ADK: variants seen among roughly 807,000 people sequenced by gnomAD.
ADK encodes the protein adenosine kinase.
ADK carries 24 observed loss-of-function variants against 44.7 expected under a neutral mutation model. The observed-to-expected ratio is 0.54, with a 90% CI of 0.39 to 0.76. The LOEUF is 0.76. ADK is among the 30% of genes least tolerant of loss of function. The pLI is 0.00. For missense variants in ADK, 321 were observed against 425.1 expected (o/e 0.76, Z 2.15); for synonymous variants, 128 against 142.6 (o/e 0.90, Z 0.73).
chr10:74,695,224 C>T (rs528938666), intron 10 of ADK, among the ~76,000 whole-genome samples: 7 of 152,136 alleles, frequency 4.6e-5, no homozygotes, highest in Non-Finnish European at 1.0e-4. Flanking sequence ...GTTCTTGATC[C>T]TTTGCTTTTT....
intron 4 of ADK, among the ~76,000 whole-genome samples, chr10:74,334,734 G>A (rs1409200037): frequency 1.3e-5 from 2 of 152,086 alleles, no homozygotes; most frequent in African/African-American, 4.8e-5. Context: ...TGATCATAAG[G>A]CATTTACAGA....
intron 2 of ADK, among the ~76,000 whole-genome samples, chr10:74,210,404 A>G (rs554614685): frequency 6.6e-6 from 1 of 151,492 alleles, no homozygotes; most frequent in Non-Finnish European, 1.5e-5. Context: ...TGTTTTTCTT[A>G]CAGATCTAAA....
chr10:74,320,024 A>T (rs1000595570), intron 4 of ADK, among the ~76,000 whole-genome samples: 1 of 152,212 alleles, frequency 6.6e-6, no homozygotes, highest in African/African-American at 2.4e-5. Flanking sequence ...TGATAGTGGC[A>T]TTTATATTTA....
intron 6 of ADK, among the ~76,000 whole-genome samples, chr10:74,507,569 C>T (rs1045677383): frequency 2.6e-5 from 4 of 151,910 alleles, no homozygotes; most frequent in East Asian, 1.9e-4. Flanking sequence ...GAGCCGAGAT[C>T]GTGCCACTCC....
intron 7 of ADK, among the ~76,000 whole-genome samples, chr10:74,544,837 G>T (rs1849769413): frequency 6.6e-6 from 1 of 152,000 alleles, no homozygotes; most frequent in African/African-American, 2.4e-5. Flanking sequence ...ACTCCAGCCT[G>T]GGGACAGAGT....
At chr10:74,631,233 CGTGT>C (rs142037822) in intron 9 of ADK, among the ~76,000 whole-genome samples, 10 of 147,558 alleles carry the variant, frequency 6.8e-5, no homozygotes, top group Admixed American at 4.1e-4. Flanking sequence ...AACCTGTGTG[CGTGT>C]GTGTGTGTGT....
chr10:74,670,450 AAT>A (rs1193309002), intron 10 of ADK, among the ~76,000 whole-genome samples, 181 bp downstream of exon 10: 1 of 152,202 alleles, frequency 6.6e-6, no homozygotes, highest in Non-Finnish European at 1.5e-5. Context: ...CCAGAGGAAA[AAT>A]ATGTGTTTGG....
At chr10:74,671,053 A>AAAAAAC (rs1235504959) in intron 10 of ADK, among the ~76,000 whole-genome samples, 20 of 150,826 alleles carry the variant, frequency 1.3e-4, no homozygotes, top group African/African-American at 4.8e-4. Flanking sequence ...AAAAAAAAAA[A>AAAAAAC]AAAGCAAGCA....
intron 6 of ADK, among the ~76,000 whole-genome samples, chr10:74,495,527 C>CT (rs1847652696): frequency 6.6e-6 from 1 of 152,164 alleles, no homozygotes; most frequent in African/African-American, 2.4e-5. Flanking sequence ...AATGGATTCT[C>CT]TAATTTTCTT....
chr10:74,595,944 C>CCAAGATCG (rs1851908312), intron 8 of ADK, among the ~76,000 whole-genome samples: 1 of 145,852 alleles, frequency 6.9e-6, no homozygotes, highest in Non-Finnish European at 1.5e-5. Context: ...TTGCAGTGAG[C>CCAAGATCG]CAAGATCGCA....
chr10:74,372,442 A>G, intron 4 of ADK: 1 of 552,890 alleles, frequency 1.8e-6, no homozygotes, highest in Non-Finnish European at 3.3e-6. Context: ...GCTCTTAAGC[A>G]ACATGGAAAT....
At chr10:74,692,165 A>G (rs1008051848) in intron 10 of ADK, among the ~76,000 whole-genome samples, 4 of 152,192 alleles carry the variant, frequency 2.6e-5, no homozygotes, top group African/African-American at 7.2e-5. Context: ...ACAATAAAAT[A>G]TGATTCAGCC....
chr10:74,379,759 T>G (rs1477818523), intron 4 of ADK, among the ~76,000 whole-genome samples: 2 of 152,176 alleles, frequency 1.3e-5, no homozygotes, highest in African/African-American at 4.8e-5. Flanking sequence ...ATATTTTAGC[T>G]GAGTGCCTTT....
At chr10:74,216,554 G>A (rs36041609) in intron 2 of ADK, among the ~76,000 whole-genome samples, 3,489 of 151,710 alleles carry the variant, frequency 0.023, 57 homozygotes, top group Non-Finnish European at 0.036. Flanking sequence ...GTGAAACTTC[G>A]TTTCTACTTA....
intron 9 of ADK, among the ~76,000 whole-genome samples, chr10:74,641,140 T>C (rs1853827020): frequency 6.6e-6 from 1 of 152,162 alleles, no homozygotes; most frequent in African/African-American, 2.4e-5. Flanking sequence ...CAAGGGCTTG[T>C]TCATTTTCTT....
chr10:74,151,494 C>A, intron 1 of ADK, 151 bp downstream of exon 1: 1 of 818,576 alleles, frequency 1.2e-6, no homozygotes. Flanking sequence ...CGCTTGGCCG[C>A]GACCCCTTGC....
intron 5 of ADK, 69 bp downstream of exon 5, chr10:74,394,382 A>C: frequency 2.7e-5 from 39 of 1,452,428 alleles, no homozygotes; most frequent in Non-Finnish European, 3.2e-5. Flanking sequence ...ATGAATTCCA[A>C]TGTGAATTTG....
At chr10:74,234,393 A>G (rs1844886012) in intron 3 of ADK, among the ~76,000 whole-genome samples, 1 of 152,226 alleles carries the variant, frequency 6.6e-6, no homozygotes, top group Non-Finnish European at 1.5e-5. Context: ...CTTGGTTTAT[A>G]TAAGAAAAGG....
chr10:74,669,090 T>C (rs555005169), intron 9 of ADK, among the ~76,000 whole-genome samples: 1 of 152,316 alleles, frequency 6.6e-6, no homozygotes, highest in South Asian at 2.1e-4. Context: ...AGTCCTCTTC[T>C]TGAATATCAG....
Sources: allele counts gnomAD v4.1 joint callset (sites outside exome capture counted in the v4.1 genomes callset), GRCh38; gene constraint gnomAD v4.1.1; transcripts MANE v1.5; gene names NCBI Gene and HGNC (gene_info 2026-07-23, HGNC 2026-07-21).